MFAP3L: variants seen among roughly 807,000 people sequenced by gnomAD.
MFAP3L encodes the protein microfibril associated protein 3 like, also known as microfibrillar-associated protein 3-like.
MFAP3L carries 5 observed loss-of-function variants against 20.0 expected under a neutral mutation model. The ratio of observed to expected loss-of-function variants is 0.25; its 90% CI spans 0.13 to 0.53. MFAP3L has a LOEUF of 0.53. Ranked by LOEUF, MFAP3L falls within the 20% of genes least tolerant of loss-of-function variation. MFAP3L has a pLI of 0.96. For synonymous variants in MFAP3L, 219 were observed against 213.0 expected, an observed-to-expected ratio of 1.03 and a Z score of -0.25; for missense variants, 409 against 527.5, an observed-to-expected ratio of 0.78 and a Z score of 2.20.
At chr4:170,018,948 C>T (rs1328854754) in intron 1 of MFAP3L, among the ~76,000 whole-genome samples, 9 of 152,216 alleles carry the variant, frequency 5.9e-5, no homozygotes, top group Non-Finnish European at 1.3e-4. Context: ...TTCATAACAG[C>T]AGCTGAGAAG....
At chr4:170,018,679 T>C (rs1253473528) in intron 1 of MFAP3L, among the ~76,000 whole-genome samples, 1 of 152,184 alleles carries the variant, frequency 6.6e-6, no homozygotes, top group East Asian at 1.9e-4. Context: ...TCCTCAAAAA[T>C]GTTTTGAAAT....
At chr4:170,006,524 T>C (rs1739046856) in intron 1 of MFAP3L, 1 of 152,366 alleles carries the variant, frequency 6.6e-6, no homozygotes, top group Non-Finnish European at 1.5e-5. Flanking sequence ...ATAGATTTTA[T>C]AGGAACAAAT....
intron 2 of MFAP3L, chr4:169,994,419 T>C (rs1012309962): frequency 5.1e-6 from 5 of 984,966 alleles, no homozygotes; most frequent in Non-Finnish European, 6.0e-6. Flanking sequence ...CCAACAGCTT[T>C]TTCCCCAAAC....
At chr4:170,004,257 A>G (rs1738885591) in intron 2 of MFAP3L, among the ~76,000 whole-genome samples, 1 of 149,956 alleles carries the variant, frequency 6.7e-6, no homozygotes, top group South Asian at 2.1e-4. Flanking sequence ...CCACTTAATA[A>G]TAGCAGGACT....
chr4:170,020,994 C>CTGG (rs1560992416), intron 1 of MFAP3L, among the ~76,000 whole-genome samples: 1 of 152,056 alleles, frequency 6.6e-6, no homozygotes, highest in Non-Finnish European at 1.5e-5. Context: ...AGGCTGGACA[C>CTGG]TGGTGCATGG....
chr4:170,013,507 C>T (rs1348365574), intron 1 of MFAP3L, among the ~76,000 whole-genome samples: 2 of 151,628 alleles, frequency 1.3e-5, no homozygotes, highest in Admixed American at 1.3e-4. Context: ...GATGTATTTT[C>T]ATAAAGGTTT....
chr4:170,027,098 T>G (rs1407076260), upstream of MFAP3L: 1 of 152,110 alleles, frequency 6.6e-6, no homozygotes, highest in Admixed American at 6.5e-5. Flanking sequence ...CCACGTTTTT[T>G]CTAATGAACC....
intron 1 of MFAP3L, among the ~76,000 whole-genome samples, chr4:170,016,215 C>A (rs1042375331): frequency 2.0e-5 from 3 of 152,112 alleles, no homozygotes; most frequent in African/African-American, 7.2e-5. Context: ...ATTTTTCCAG[C>A]AGTTCGTCAT....
chr4:170,021,185 G>C (rs995135835), intron 1 of MFAP3L, among the ~76,000 whole-genome samples: 1 of 152,134 alleles, frequency 6.6e-6, no homozygotes, highest in Non-Finnish European at 1.5e-5. Context: ...ACAGCAGGTG[G>C]GCCCTCTGCA....
In MFAP3L at chr4:169,991,089, G is replaced by A. The variant is rs979896814; in HGVS notation, c.*289C>T. 2.3e-6 allele frequency: 1 copy of A among 442,172 alleles called. No homozygotes were observed. Among genetic ancestry groups the A allele is most frequent in the Admixed American group, 4.0e-5 (1 of 25,118 alleles). 27.4% of individuals were successfully genotyped at this position (442,172 alleles called of 1,614,324 possible). ...CAGTGGTGTACTCTTTGCCAAGAAG[G>A]CATCACCAATTAAGGTATTTGGCAG... is the stretch of plus-strand genomic sequence containing the variant. On this transcript the variant is annotated 3_prime_UTR_variant, in exon 3 of 3. Transcript: ENST00000361618. The surrounding 1 kb of genome is among the most constrained non-coding windows in gnomAD (Gnocchi z 4.9).
chr4:170,002,685 T>C (rs1038451058), intron 2 of MFAP3L, among the ~76,000 whole-genome samples: 3 of 151,980 alleles, frequency 2.0e-5, no homozygotes, highest in Non-Finnish European at 4.4e-5. Context: ...AATTTTTGTA[T>C]TTTTAGCAGA....
At position 169,991,190 on chromosome 4, in the gene MFAP3L, A is replaced by G; in HGVS notation, c.*188T>C. On this transcript the variant is annotated 3_prime_UTR_variant, in exon 3 of 3. Coordinates refer to ENST00000361618, the MANE Select transcript of MFAP3L (RefSeq NM_021647.8). The surrounding 1 kb of genome is among the most constrained non-coding windows in gnomAD (Gnocchi z 4.9). ...AATTCTGCACCCTGATGTTTCTCGC[A>G]CCCTTCTCTACTGGGGAAATTCCAG... The G allele has an allele frequency of 1.6e-6, 1 of 622,714 alleles. No homozygotes were observed. The highest frequency in any genetic ancestry group is 3.1e-5 in the Admixed American group (1 of 32,560). 38.6% of individuals were successfully genotyped at this position (622,714 alleles called of 1,614,324 possible).
chr4:170,013,682 T>C (rs899317433), intron 1 of MFAP3L, among the ~76,000 whole-genome samples: 16 of 152,228 alleles, frequency 1.1e-4, no homozygotes, highest in African/African-American at 3.9e-4. Flanking sequence ...AATTATTAAA[T>C]TGTTCTAGCA....
chr4:170,000,709 G>A (rs1397839296), intron 2 of MFAP3L, among the ~76,000 whole-genome samples: 1 of 152,064 alleles, frequency 6.6e-6, no homozygotes, highest in Non-Finnish European at 1.5e-5. Context: ...ATCATAAATT[G>A]TGTTTGCTAC....
At chr4:170,011,136 C>A (rs554391379) in intron 1 of MFAP3L, among the ~76,000 whole-genome samples, 1 of 152,196 alleles carries the variant, frequency 6.6e-6, no homozygotes, top group Non-Finnish European at 1.5e-5. Flanking sequence ...TTGCCTTCCA[C>A]CATGATTCTG....
At chr4:170,004,729 T>C (rs1738917152) in intron 2 of MFAP3L, among the ~76,000 whole-genome samples, 1 of 152,192 alleles carries the variant, frequency 6.6e-6, no homozygotes, top group Non-Finnish European at 1.5e-5. Context: ...GGTTAAAGAA[T>C]TGTGGAACAG....
intron 2 of MFAP3L, among the ~76,000 whole-genome samples, chr4:170,000,823 T>C (rs904227884): frequency 1.3e-5 from 2 of 152,036 alleles, no homozygotes. Context: ...CCCAGGCTCA[T>C]GCAATCGTCC....
chr4:170,019,221 T>C (rs1739881710), intron 1 of MFAP3L, among the ~76,000 whole-genome samples: 1 of 152,174 alleles, frequency 6.6e-6, no homozygotes. Flanking sequence ...GCCACAAATA[T>C]AGAGCCCTTG....
intron 2 of MFAP3L, chr4:169,994,382 T>C (rs1737977431): frequency 1.0e-6 from 1 of 984,896 alleles, no homozygotes; most frequent in Non-Finnish European, 1.2e-6. Context: ...AGGAGAACAC[T>C]AACAAGACAG....
Sources: allele counts gnomAD v4.1 joint callset (sites outside exome capture counted in the v4.1 genomes callset), GRCh38; gene constraint gnomAD v4.1.1; non-coding constraint Gnocchi (gnomAD v3.1); transcripts MANE v1.5; gene names NCBI Gene and HGNC (gene_info 2026-07-23, HGNC 2026-07-21).